AASDH: variants seen among roughly 807,000 people sequenced by gnomAD.
AASDH encodes the protein beta-alanine-activating enzyme.
In AASDH, 81 loss-of-function variants were observed where a neutral mutation model predicts 102.3. The observed-to-expected ratio is 0.79, with a 90% CI of 0.66 to 0.95. The LOEUF is 0.95. Ranked by LOEUF, AASDH falls within the 40% of genes least tolerant of loss-of-function variation. The pLI is 0.00. For missense variants in AASDH, 1,203 were observed against 1,266.2 expected (o/e 0.95, Z 0.76); for synonymous variants, 398 against 454.0 (o/e 0.88, Z 1.57).
At position 56,382,560 on chromosome 4, in the gene AASDH, G is replaced by T; in HGVS notation, c.268C>A (p.Pro90Thr). The change falls in exon 3 of 15, where the codon CCA (proline) becomes ACA (threonine). Residue 90 changes from proline to threonine, a missense_variant. By Grantham distance (38) the Pro-to-Thr change is conservative. Transcript: ENST00000205214. ...QVPAAYVPIEPDSPPSLSTHF... is the reference protein window; with the variant it reads ...QVPAAYVPIETDSPPSLSTHF... ...GTTGATAATGACGGTGGTGAATCTG[G>T]CTCGATAGGTACATAAGCAGCCGGG... 2 of 1,611,752 alleles carry T rather than the reference G, an allele frequency of 1.2e-6. No individual in the cohort carries two copies. Among genetic ancestry groups the T allele is most frequent in the African/African-American group, 1.3e-5 (1 of 74,886 alleles).
chr4:56,338,580 G>C lies in AASDH; in HGVS notation c.3119C>G (p.Ala1040Gly). The change falls in exon 15 of 15, where the codon GCA becomes GGA. Residue 1040 changes from alanine (A) to glycine (G), a missense_variant. Physicochemically the swap from Ala to Gly is moderately conservative, Grantham distance 60 (BLOSUM62 0). Coordinates refer to ENST00000205214, the MANE Select transcript of AASDH (RefSeq NM_181806.4). The stretch of plus-strand genomic sequence containing the variant: ...CCACACTTTCCCATCAGTAGATGCT[G>C]CTGCCAGCAACATTTCATTGCTGCC... ...YNGSNEMLLA[A>G]ASTDGKVWIL... 1 of 1,614,182 alleles carries C rather than the reference G, an allele frequency of 6.2e-7. No individual in the cohort carries two copies.
At chr4:56,380,235 T>G (rs1752807552) in intron 3 of AASDH, among the ~76,000 whole-genome samples, 1 of 152,162 alleles carries the variant, frequency 6.6e-6, no homozygotes, top group South Asian at 2.1e-4. Context: ...GGTGATTTGG[T>G]GGATGGAGAA....
chr4:56,384,762 C>A (rs999680346), intron 1 of AASDH, among the ~76,000 whole-genome samples: 7 of 152,162 alleles, frequency 4.6e-5, no homozygotes, highest in African/African-American at 1.7e-4. Context: ...TAGTCAAAAT[C>A]TTGTATGGTG....
At chr4:56,354,302 AACT>A in intron 7 of AASDH, 91 bp from the exon 8 acceptor site, 1 of 1,170,464 alleles carries the variant, frequency 8.5e-7, no homozygotes, top group South Asian at 2.6e-5. Context: ...TCAGTGACTA[AACT>A]TCAAAATTTA....
chr4:56,339,975 C>T (rs1747463278), intron 14 of AASDH, among the ~76,000 whole-genome samples: 1 of 152,030 alleles, frequency 6.6e-6, no homozygotes, highest in Non-Finnish European at 1.5e-5. Context: ...TCGAGACCAG[C>T]CTGGCCAACA....
chr4:56,341,382 CTTTTATCTTTTTTTT>C (rs1286124919), intron 14 of AASDH, among the ~76,000 whole-genome samples: 3 of 100,998 alleles, frequency 3.0e-5, no homozygotes, highest in South Asian at 3.5e-4. Flanking sequence ...GAACTGGAGA[CTTTTATCTTTTTTTT>C]TTTTTTTTTT....
chr4:56,358,627 T>C lies in AASDH; in HGVS notation c.862-3204A>G, dbSNP rs570093239. Among the ~76,000 whole-genome samples the C allele has an allele frequency of 2.0e-5, 3 of 152,130 alleles. No individual in the cohort carries two copies. In the East Asian group the frequency reaches 5.8e-4, roughly 29 times the overall value. ...AGATAGGTATGTGCTTTTTGTTCAT[T>C]ATTCTTTACGTAGTATACATCATCA... is the stretch of plus-strand genomic sequence containing the variant. On this transcript the variant is annotated intron_variant, in intron 5 of 14. Coordinates refer to ENST00000205214, the MANE Select transcript of AASDH (RefSeq NM_181806.4).
At chr4:56,354,849 C>A (rs1271976780) in intron 6 of AASDH, 38 bp from the exon 7 acceptor site, 2 of 1,468,354 alleles carry the variant, frequency 1.4e-6, no homozygotes, top group Non-Finnish European at 1.9e-6. Flanking sequence ...TAAAATTTTT[C>A]ATTTGAATAG....
chr4:56,343,947 G>A (rs1748022006), intron 12 of AASDH, among the ~76,000 whole-genome samples: 3 of 152,004 alleles, frequency 2.0e-5, no homozygotes, highest in Admixed American at 2.0e-4. Flanking sequence ...GAGAATATGT[G>A]TATATACACA....
chr4:56,342,366 C>G (rs1560562722), intron 14 of AASDH, among the ~76,000 whole-genome samples: 1 of 152,082 alleles, frequency 6.6e-6, no homozygotes, highest in Non-Finnish European at 1.5e-5. Context: ...CTGACTTAAT[C>G]ATTACACAGT....
chr4:56,355,368 A>C lies in AASDH; in HGVS notation c.917T>G (p.Leu306Trp). 1 of 1,614,152 alleles carries C rather than the reference A, an allele frequency of 6.2e-7. No individual in the cohort carries two copies. Among genetic ancestry groups the C allele is most frequent in the Non-Finnish European group, 8.5e-7 (1 of 1,179,970 alleles). Residue 306 changes from leucine to tryptophan, a missense_variant, in exon 6 of 15, where the codon TTG (leucine) becomes TGG (tryptophan). Transcript: ENST00000205214. The part of the protein sequence containing the change: ...FGSQLIKSTV[L>W]SATTSLRVLA... ...TACTCGAAGAGAAGTAGTGGCTGAC[A>C]AAACAGTTGACTTGATAAGCTGAGA...
At chr4:56,352,250 T>G (rs1749103141) in intron 9 of AASDH, among the ~76,000 whole-genome samples, 1 of 152,162 alleles carries the variant, frequency 6.6e-6, no homozygotes, top group Admixed American at 6.5e-5. Flanking sequence ...AGATTAACCA[T>G]TTTTCTGACT....
Position 56,371,592 on chromosome 4 carries a change from CAG to C in AASDH, c.718_719del (p.Leu240AspfsTer42). ...QEDVLFLASP[L>X]TFDPSVVEIF... ...TTTCCACAACAGAAGGATCGAAGGT[CAG>C]AGGTGAAGCCAGAAACAAAACATCT... On this transcript the variant is annotated frameshift_variant, in exon 5 of 15. Transcript: ENST00000205214. LOFTEE classifies it high-confidence loss of function. 1 of 1,612,352 alleles carries C rather than the reference CAG, an allele frequency of 6.2e-7. No homozygotes were observed. Among genetic ancestry groups the C allele is most frequent in the Non-Finnish European group, 8.5e-7 (1 of 1,179,726 alleles).
chr4:56,364,976 C>G (rs2109944039), intron 5 of AASDH, among the ~76,000 whole-genome samples: 1 of 152,256 alleles, frequency 6.6e-6, no homozygotes, highest in East Asian at 1.9e-4. Flanking sequence ...GGAAACTCAT[C>G]TCACGTGCAG....
At chr4:56,380,454 G>T (rs1752828307) in intron 3 of AASDH, among the ~76,000 whole-genome samples, 1 of 152,142 alleles carries the variant, frequency 6.6e-6, no homozygotes, top group Non-Finnish European at 1.5e-5. Flanking sequence ...TGTGTTTAAT[G>T]TGTGTATGTA....
At chr4:56,368,369 G>A (rs368614245) in intron 5 of AASDH, among the ~76,000 whole-genome samples, 1 of 152,056 alleles carries the variant, frequency 6.6e-6, no homozygotes, top group Admixed American at 6.5e-5. Flanking sequence ...CCATTACTGG[G>A]TATATACCCA....
rs1011115323 is a variant in AASDH, at chr4:56,358,761, T to C, written c.862-3338A>G. Among the ~76,000 whole-genome samples, 7 of 152,182 alleles carry C rather than the reference T, an allele frequency of 4.6e-5. No homozygotes were observed. The East Asian group carries it at 5.8e-4, about 13-fold the overall frequency. ...GTGGCTTAGCATATGACTTATCCTA[T>C]GAAATGTGCCAATGTGCTTAAAAAG... On this transcript the variant is annotated intron_variant, in intron 5 of 14. Transcript: ENST00000205214.
chr4:56,348,076 G>A (rs528916387), intron 11 of AASDH, among the ~76,000 whole-genome samples: 199 of 151,884 alleles, frequency 1.3e-3, no homozygotes, highest in Non-Finnish European at 1.1e-3. Context: ...ACTTGAACCC[G>A]GGAGGTGGAG....
rs778971955 is a variant in AASDH at position 56,349,740 on chromosome 4, A to T, written c.2011T>A (p.Cys671Ser). Residue 671 changes from cysteine (C) to serine (S), a missense_variant, in exon 11 of 15, where the codon TGC (cysteine) becomes AGC (serine). Physicochemically the swap from Cys to Ser is moderately radical, Grantham distance 112. Coordinates refer to ENST00000205214, the MANE Select transcript of AASDH (RefSeq NM_181806.4). ...LHQKAIMTFT[C>S]HNEINAFVVL... Reference sequence around the variant, plus strand: ...ACAAAAGCATTAATCTCATTGTGGCAAGTGAAAGTCATGATGGCTTTCTGA... The same window carrying T: ...ACAAAAGCATTAATCTCATTGTGGCTAGTGAAAGTCATGATGGCTTTCTGA... 3.1e-6 allele frequency: 5 copies of T among 1,614,222 alleles called. No individual in the cohort carries two copies. The highest frequency in any genetic ancestry group is 4.2e-6 in the Non-Finnish European group (5 of 1,180,032).
Sources: allele counts gnomAD v4.1 joint callset (sites outside exome capture counted in the v4.1 genomes callset), GRCh38; gene constraint gnomAD v4.1.1; transcripts MANE v1.5; gene names NCBI Gene and HGNC (gene_info 2026-07-23, HGNC 2026-07-21).